The following DACH2 variants were observed in gnomAD, a reference collection of about 807,000 sequenced individuals.
DACH2 encodes the protein dachshund homolog 2.
In DACH2, 17 loss-of-function variants were observed where a neutral mutation model predicts 35.8. That is an observed-to-expected ratio of 0.48 (90% CI 0.33 to 0.71). The LOEUF (loss-of-function observed/expected upper bound fraction) is 0.71. Ranked by LOEUF, DACH2 falls within the 30% of genes least tolerant of loss-of-function variation. The probability of loss-of-function intolerance (pLI) is 0.02; values close to 1 mark genes in which losing one functional copy is unlikely to be tolerated. For missense variants in DACH2, 469 were observed against 472.7 expected, an observed-to-expected ratio of 0.99 and a Z score of 0.07; for synonymous variants, 195 against 177.3, an observed-to-expected ratio of 1.10 and a Z score of -0.79.
intron 3 of DACH2, among the ~76,000 whole-genome samples, chrX:86,648,323 A>C (rs1338293722): frequency 9.0e-6 from 1 of 111,025 alleles, no homozygotes; most frequent in African/African-American, 3.3e-5. Flanking sequence ...TTGGTTCCCA[A>C]GTAAAATTTA....
At chrX:86,303,356 G>A (rs1183018424) in intron 1 of DACH2, among the ~76,000 whole-genome samples, 2 of 110,101 alleles carry the variant, frequency 1.8e-5, no homozygotes, top group East Asian at 2.9e-4. Context: ...TTTGACCACA[G>A]AGCTTTCCGT....
chrX:86,328,913 T>C (rs1351828580), intron 1 of DACH2, among the ~76,000 whole-genome samples: 1 of 112,113 alleles, frequency 8.9e-6, no homozygotes, highest in Non-Finnish European at 1.9e-5. Context: ...AATTCTCTCT[T>C]ATCTACATGC....
At chrX:86,459,882 T>TGTTA (rs1569409331) in intron 2 of DACH2, among the ~76,000 whole-genome samples, 4 of 109,614 alleles carry the variant, frequency 3.6e-5, no homozygotes, top group African/African-American at 6.6e-5. Context: ...ATGATTATTT[T>TGTTA]TATTATTGAT....
At chrX:86,503,473 A>T (rs1344215716) in intron 2 of DACH2, among the ~76,000 whole-genome samples, 6 of 112,309 alleles carry the variant, frequency 5.3e-5, no homozygotes, top group Non-Finnish European at 1.1e-4. Context: ...GTCAGCTTTT[A>T]GTTACATTGC....
chrX:86,581,596 A>G (rs897602148), intron 3 of DACH2, among the ~76,000 whole-genome samples: 2 of 111,240 alleles, frequency 1.8e-5, no homozygotes, highest in African/African-American at 6.6e-5. Context: ...GTAATTTTAC[A>G]AAAAGCAGAT....
chrX:86,542,134 T>C (rs1268394593), intron 3 of DACH2, among the ~76,000 whole-genome samples: 3 of 111,848 alleles, frequency 2.7e-5, no homozygotes, highest in Non-Finnish European at 5.6e-5. Context: ...TATCCATTTC[T>C]CTGCGTGTTT....
At chrX:86,254,788 A>ATATATATATATATATT (rs2033474902) in intron 1 of DACH2, among the ~76,000 whole-genome samples, 1 of 64,302 alleles carries the variant, frequency 1.6e-5, no homozygotes, top group African/African-American at 7.2e-5. Flanking sequence ...ATAAATATAT[A>ATATATATATATATATT]TATATATATA....
chrX:86,170,081 A>C (rs1408308362), intron 1 of DACH2, among the ~76,000 whole-genome samples: 2 of 111,977 alleles, frequency 1.8e-5, no homozygotes, highest in African/African-American at 6.5e-5. Context: ...TGGTTCTTGC[A>C]GACTCGTAGA....
chrX:86,338,349 A>G (rs1011664180), intron 1 of DACH2, among the ~76,000 whole-genome samples: 13 of 111,793 alleles, frequency 1.2e-4, no homozygotes, highest in African/African-American at 3.9e-4. Flanking sequence ...GAAGGAACAG[A>G]AAATCATAAC....
chrX:86,696,291 T>C (rs5923597), intron 5 of DACH2, among the ~76,000 whole-genome samples: 30,021 of 111,032 alleles, frequency 0.27, 3,379 homozygotes, highest in Middle Eastern at 0.42. Flanking sequence ...GGTCAGTTAT[T>C]AAGCATACAA....
At chrX:86,609,369 G>T (rs2039899577) in intron 3 of DACH2, among the ~76,000 whole-genome samples, 1 of 111,463 alleles carries the variant, frequency 9.0e-6, no homozygotes. Context: ...TTCCTTCTTT[G>T]TGTTATCTTG....
chrX:86,624,502 A>G lies in DACH2; in HGVS notation c.641-26534A>G, dbSNP rs73631966. 1.1e-3 allele frequency among the ~76,000 whole-genome samples: 122 copies of G among 111,982 alleles called. 2 individuals carry two copies. Among genetic ancestry groups the G allele is most frequent in the African/African-American group, 3.9e-3 (120 of 30,861 alleles). ...GGGGTTCATTATTAGGATCACAAAC[A>G]GAAGGAATGGTGGTATAGATCACCT... is the stretch of plus-strand genomic sequence containing the variant. On this transcript the variant is annotated intron_variant, in intron 3 of 11. Coordinates refer to ENST00000373125, the MANE Select transcript of DACH2 (RefSeq NM_053281.3).
At chrX:86,788,245 C>A (rs2042157105) in intron 7 of DACH2, among the ~76,000 whole-genome samples, 2 of 110,883 alleles carry the variant, frequency 1.8e-5, no homozygotes, top group Non-Finnish European at 3.8e-5. Flanking sequence ...GCTTACTCGC[C>A]CAGCTCCTGA....
chrX:86,212,586 A>G (rs922653300), intron 1 of DACH2, among the ~76,000 whole-genome samples: 3 of 111,021 alleles, frequency 2.7e-5, no homozygotes, highest in African/African-American at 9.8e-5. Context: ...TTACAGAAGA[A>G]TTTGCCTGCC....
At chrX:86,535,787 A>G (rs867027907) in intron 3 of DACH2, among the ~76,000 whole-genome samples, 1 of 110,997 alleles carries the variant, frequency 9.0e-6, no homozygotes, top group East Asian at 2.8e-4. Flanking sequence ...CCGAGCAGGT[A>G]GCCAGTGTTA....
chrX:86,399,138 C>T (rs1048933115), intron 2 of DACH2, among the ~76,000 whole-genome samples: 1 of 111,603 alleles, frequency 9.0e-6, no homozygotes, highest in Non-Finnish European at 1.9e-5. Flanking sequence ...TTATGTAATG[C>T]CCTTCTTTGT....
At chrX:86,721,956 C>G (rs1366667159) in intron 6 of DACH2, among the ~76,000 whole-genome samples, 1 of 110,920 alleles carries the variant, frequency 9.0e-6, no homozygotes, top group East Asian at 2.9e-4. Context: ...GAAACCACCC[C>G]CATGATTTGA....
chrX:86,482,755 T>A (rs2037957279), intron 2 of DACH2, among the ~76,000 whole-genome samples: 1 of 110,154 alleles, frequency 9.1e-6, no homozygotes, highest in African/African-American at 3.3e-5. Flanking sequence ...GGTATCTCAT[T>A]GTGGTTTTGA....
intron 4 of DACH2, among the ~76,000 whole-genome samples, chrX:86,656,086 A>G (rs1334202250): frequency 9.9e-6 from 1 of 101,281 alleles, no homozygotes; most frequent in Non-Finnish European, 2.0e-5. Flanking sequence ...ATCAATGACT[A>G]AAATAAAACA....
Sources: gnomAD v4.1 joint callset for allele counts (sites outside exome capture counted in the v4.1 genomes callset) on GRCh38, gnomAD v4.1.1 for gene constraint, MANE v1.5 for transcripts, NCBI Gene and HGNC (gene_info 2026-07-23, HGNC 2026-07-21) for gene names.